The following NTM variants were observed in gnomAD, a reference collection of about 807,000 sequenced individuals.
NTM encodes the protein neurotrimin, also known as IgLON family member 2.
NTM carries 13 observed loss-of-function variants against 42.1 expected under a neutral mutation model. The ratio of observed to expected loss-of-function variants is 0.31; its 90% confidence interval spans 0.20 to 0.49. NTM has a LOEUF of 0.49. Among genes scored for constraint, NTM ranks in the 20% least tolerant of loss-of-function variants. NTM has a pLI of 0.99. For missense variants in NTM, 373 were observed against 452.8 expected (o/e 0.82, Z 1.60); for synonymous variants, 187 against 179.2 (o/e 1.04, Z -0.35).
At chr11:131,717,352 A>G (rs1188100518) in intron 1 of NTM, among the ~76,000 whole-genome samples, 4 of 152,190 alleles carry the variant, frequency 2.6e-5, no homozygotes, top group African/African-American at 9.7e-5. Flanking sequence ...ATTGAGTCTC[A>G]TGACTGATTA....
At chr11:131,584,044 A>G (rs2058642637) in intron 1 of NTM, among the ~76,000 whole-genome samples, 1 of 152,196 alleles carries the variant, frequency 6.6e-6, no homozygotes. Context: ...TGAATGCTGA[A>G]CAGTAGAAAA....
intron 2 of NTM, among the ~76,000 whole-genome samples, chr11:132,145,307 CT>C (rs2070139131): frequency 6.6e-6 from 1 of 152,188 alleles, no homozygotes; most frequent in Admixed American, 6.5e-5. Flanking sequence ...TGTAAAAGTG[CT>C]TTGTACACTG....
At chr11:132,022,141 G>A (rs1421678378) in intron 2 of NTM, among the ~76,000 whole-genome samples, 3 of 152,190 alleles carry the variant, frequency 2.0e-5, no homozygotes, top group Admixed American at 6.5e-5. Flanking sequence ...ACCCTACCCT[G>A]GAGGAACCTC....
At chr11:131,900,405 A>G (rs774062644) in intron 1 of NTM, among the ~76,000 whole-genome samples, 22 of 152,250 alleles carry the variant, frequency 1.4e-4, no homozygotes, top group Non-Finnish European at 2.9e-4. Flanking sequence ...GTGTGGAGCC[A>G]CCAAAGATTT....
In NTM at chr11:131,395,247, G is replaced by A. The variant is rs891135919; in HGVS notation, c.82+24359G>A. On this transcript the variant is annotated intron_variant, in intron 1 of 8. Transcript: ENST00000683400. ...AAAAGAAAAGGCAAAGCACATTTCA[G>A]TTGAAGTCCCCAAGGAAACTGATAT... Among the ~76,000 whole-genome samples the A allele has an allele frequency of 4.4e-4, 67 of 152,220 alleles. 2 individuals are homozygous for A. The highest frequency in any genetic ancestry group is 4.4e-3 in the Admixed American group (67 of 15,278).
At chr11:131,896,283 T>C (rs184064890) in intron 1 of NTM, among the ~76,000 whole-genome samples, 1 of 152,232 alleles carries the variant, frequency 6.6e-6, no homozygotes, top group East Asian at 1.9e-4. Flanking sequence ...CTTCAAAAAA[T>C]GACCTATATA....
chr11:131,477,412 G>A (rs1473110118), intron 1 of NTM, among the ~76,000 whole-genome samples: 2 of 151,788 alleles, frequency 1.3e-5, no homozygotes, highest in Non-Finnish European at 2.9e-5. Flanking sequence ...GGTTGATGTT[G>A]CCATTCTCGG....
intron 1 of NTM, among the ~76,000 whole-genome samples, chr11:131,776,101 G>C (rs563739745): frequency 4.5e-4 from 69 of 152,250 alleles, no homozygotes; most frequent in African/African-American, 1.5e-3. Context: ...GAACCTTGAG[G>C]CTATCTGGAA....
At position 131,789,500 on chromosome 11, in the gene NTM, G is replaced by GAAGA. The variant is rs1565551179; in HGVS notation, c.83-122062_83-122059dup. Among the ~76,000 whole-genome samples the GAAGA allele has an allele frequency of 1.6e-3, 11 of 6,846 alleles. 2 individuals carry two copies. Among genetic ancestry groups the GAAGA allele is most frequent in the Non-Finnish European group, 1.7e-3 (6 of 3,554 alleles). The allele number at this position is 6,846 out of a possible 152,430, so 4.5% of individuals were successfully genotyped here. ...GAAGAAGAAGAAGAAGAGGAAAGAA[G>GAAGA]AAGAAGAAGAAGAAGAAGAAGAAGA... On this transcript the variant is annotated intron_variant, in intron 1 of 8. Transcript: ENST00000683400.
chr11:132,118,182 G>C (rs191584129), intron 2 of NTM, among the ~76,000 whole-genome samples: 47 of 152,254 alleles, frequency 3.1e-4, no homozygotes, highest in Non-Finnish European at 5.3e-4. Flanking sequence ...AAAAGCGTAA[G>C]TTGAGCAGAT....
intron 3 of NTM, among the ~76,000 whole-genome samples, chr11:132,166,072 C>T (rs2075231233): frequency 6.6e-6 from 1 of 152,076 alleles, no homozygotes; most frequent in Admixed American, 6.6e-5. Context: ...TTTTCCTTGG[C>T]TTTTAATGCT....
chr11:131,814,717 G>A (rs577208084), intron 1 of NTM, among the ~76,000 whole-genome samples: 12 of 152,252 alleles, frequency 7.9e-5, no homozygotes, highest in Non-Finnish European at 1.6e-4. Context: ...CGCGTCTTGC[G>A]TTTTGCCTCC....
At chr11:131,740,257 A>C (rs185912607) in intron 1 of NTM, among the ~76,000 whole-genome samples, 7 of 152,238 alleles carry the variant, frequency 4.6e-5, no homozygotes, top group Middle Eastern at 3.4e-3. Context: ...ATGTGCCTCG[A>C]TTTCCACATT....
intron 2 of NTM, among the ~76,000 whole-genome samples, chr11:132,047,498 A>G (rs1275496912): frequency 1.3e-5 from 2 of 152,240 alleles, no homozygotes; most frequent in Non-Finnish European, 2.9e-5. Context: ...AGTTTTCTTC[A>G]AAGGATTGAT....
intron 2 of NTM, among the ~76,000 whole-genome samples, chr11:131,978,556 C>T (rs2064766054): frequency 6.6e-6 from 1 of 152,118 alleles, no homozygotes; most frequent in Non-Finnish European, 1.5e-5. Context: ...CCCGAGGCTC[C>T]TGCAGCAGTA....
chr11:131,643,288 A>G (rs146237122), intron 1 of NTM, among the ~76,000 whole-genome samples: 2,710 of 152,338 alleles, frequency 0.018, 70 homozygotes, highest in African/African-American at 0.055. Flanking sequence ...CTGATATGAC[A>G]CTTTCCATGT....
intron 1 of NTM, among the ~76,000 whole-genome samples, chr11:131,907,150 C>T (rs369440667): frequency 9.9e-5 from 15 of 152,284 alleles, no homozygotes; most frequent in Admixed American, 5.2e-4. Context: ...CCTTTTTCGA[C>T]GAGGAGAAGC....
At chr11:131,375,643 G>A (rs1221797917) in intron 1 of NTM, among the ~76,000 whole-genome samples, 1 of 152,192 alleles carries the variant, frequency 6.6e-6, no homozygotes, top group African/African-American at 2.4e-5. Context: ...GAATGGTGGA[G>A]AGGGGGAGCA....
chr11:131,947,480 C>T (rs937679815), intron 2 of NTM, among the ~76,000 whole-genome samples: 1 of 152,146 alleles, frequency 6.6e-6, no homozygotes, highest in Non-Finnish European at 1.5e-5. Context: ...CCAGCACCTA[C>T]AGAGAACCAG....
Sources: allele counts gnomAD v4.1 joint callset (sites outside exome capture counted in the v4.1 genomes callset), GRCh38; gene constraint gnomAD v4.1.1; transcripts MANE v1.5; gene names NCBI Gene and HGNC (gene_info 2026-07-23, HGNC 2026-07-21).